Variants in BBS4 observed in about 807,000 individuals in gnomAD.
BBS4 encodes the protein BBSome complex member BBS4.
Under a neutral mutation model 71.4 loss-of-function variants are expected in BBS4, and 58 were observed. That is an observed-to-expected ratio of 0.81 (90% confidence interval 0.66 to 1.01). The LOEUF (loss-of-function observed/expected upper bound fraction) is 1.01. Ranked by LOEUF, BBS4 falls within the 50% of genes least tolerant of loss-of-function variation. The pLI is 0.00. For synonymous variants in BBS4, 228 were observed against 216.8 expected (o/e 1.05, Z -0.46); for missense variants, 660 against 607.9 (o/e 1.09, Z -0.90).
At chr15:72,721,307 A>T (rs2028221) in intron 6 of BBS4, among the ~76,000 whole-genome samples, 10 of 152,178 alleles carry the variant, frequency 6.6e-5, no homozygotes, top group African/African-American at 2.2e-4. Context: ...TTTAGAAATA[A>T]ATACGGAAAC....
chr15:72,687,124 C>CTTTTTTTTTTCTTTTTTTTT (rs1458417621), intron 1 of BBS4, among the ~76,000 whole-genome samples: 1 of 76,210 alleles, frequency 1.3e-5, no homozygotes, highest in Non-Finnish European at 2.3e-5. Context: ...AAGACAGAAA[C>CTTTTTTTTTTCTTTTTTTTT]TTTTTTTTTT....
At chr15:72,721,523 A>C (rs1158455755) in intron 6 of BBS4, among the ~76,000 whole-genome samples, 1 of 152,206 alleles carries the variant, frequency 6.6e-6, no homozygotes, top group East Asian at 1.9e-4. Context: ...AATCTACTCA[A>C]CCTCTCTGAG....
chr15:72,692,563 T>A (rs1273699727), intron 1 of BBS4, among the ~76,000 whole-genome samples: 1 of 151,642 alleles, frequency 6.6e-6, no homozygotes, highest in Non-Finnish European at 1.5e-5. Context: ...TCGGCCTGCC[T>A]CAGCCTACCG....
chr15:72,729,611 C>T lies in BBS4; in HGVS notation c.643-5C>T. Reference sequence around the variant, plus strand: ...GTAAATTGTCTTGTTTGCTTTTTTTCCAAGCTCGGCATTTACCAGAAGGCA... The same window carrying T: ...GTAAATTGTCTTGTTTGCTTTTTTTTCAAGCTCGGCATTTACCAGAAGGCA... On this transcript the variant is annotated splice_region_variant and splice_polypyrimidine_tract_variant and intron_variant, in intron 9 of 15. Transcript: ENST00000268057. The T allele has an allele frequency of 1.2e-6, 2 of 1,613,774 alleles. No individual in the cohort carries two copies. The highest frequency in any genetic ancestry group is 3.3e-5 in the Admixed American group (2 of 60,000).
chr15:72,724,697 A>G (rs1317060682), intron 8 of BBS4, 42 bp downstream of exon 8: 1 of 1,610,642 alleles, frequency 6.2e-7, no homozygotes. Context: ...GAAACTAAAA[A>G]AATTGAGTGG....
chr15:72,700,451 T>G (rs953595956), intron 2 of BBS4, among the ~76,000 whole-genome samples: 36 of 152,188 alleles, frequency 2.4e-4, no homozygotes, highest in African/African-American at 8.4e-4. Flanking sequence ...TTGCCAACAT[T>G]TGTTACTATC....
At chr15:72,713,020 C>CA (rs2065403270) in intron 4 of BBS4, among the ~76,000 whole-genome samples, 1 of 141,412 alleles carries the variant, frequency 7.1e-6, no homozygotes, top group Admixed American at 7.1e-5. Context: ...CTTTTTCTTT[C>CA]TTTTTTTTTT....
At chr15:72,711,427 G>A (rs1384465048) in intron 3 of BBS4, among the ~76,000 whole-genome samples, 2 of 152,192 alleles carry the variant, frequency 1.3e-5, no homozygotes, top group Non-Finnish European at 2.9e-5. Flanking sequence ...GGGATTACAT[G>A]CGTGAGCCAC....
intron 6 of BBS4, among the ~76,000 whole-genome samples, chr15:72,720,882 C>T (rs2065560596): frequency 6.6e-6 from 1 of 152,204 alleles, no homozygotes; most frequent in Non-Finnish European, 1.5e-5. Flanking sequence ...ATTTCTTTTG[C>T]AGTTAGTTTG....
At chr15:72,721,079 C>T (rs990185601) in intron 6 of BBS4, among the ~76,000 whole-genome samples, 2 of 152,118 alleles carry the variant, frequency 1.3e-5, no homozygotes, top group African/African-American at 4.8e-5. Context: ...TATAGCATGA[C>T]AAAGTTGGCA....
intron 1 of BBS4, among the ~76,000 whole-genome samples, chr15:72,688,356 A>G (rs1330948518): frequency 1.3e-5 from 2 of 150,846 alleles, no homozygotes; most frequent in Admixed American, 6.6e-5. Flanking sequence ...CATCTTTTCA[A>G]GTTACCAATG....
chr15:72,688,931 A>G (rs2064930648), intron 1 of BBS4, among the ~76,000 whole-genome samples: 1 of 152,148 alleles, frequency 6.6e-6, no homozygotes, highest in Admixed American at 6.5e-5. Context: ...TGTTACAACT[A>G]ATTGCTTTTC....
intron 1 of BBS4, among the ~76,000 whole-genome samples, chr15:72,689,721 A>AAAAACT (rs2064947291): frequency 1.2e-3 from 1 of 828 alleles, no homozygotes. Flanking sequence ...TTTGTCTGAA[A>AAAAACT]AAAACAAAAA....
Position 72,731,613 on chromosome 15 carries a change from A to G in BBS4, c.923A>G (p.Tyr308Cys), listed in dbSNP as rs199831925. 8 of 1,614,218 alleles carry G rather than the reference A, an allele frequency of 5.0e-6. No individual in the cohort carries two copies. Among genetic ancestry groups the G allele is most frequent in the Admixed American group, 3.3e-5 (2 of 60,022 alleles). The change falls in exon 12 of 16, where the codon TAT (tyrosine) becomes TGT (cysteine). Residue 308 changes from tyrosine to cysteine, a missense_variant. Transcript: ENST00000268057. ...YLAPFDWKIL[Y>C]NLGLVHLTMQ... Reference sequence around the variant, plus strand: ...GCACCCTTTGATTGGAAGATTCTGTATAATTTGGGCCTTGTCCATTTGACC... The same window carrying G: ...GCACCCTTTGATTGGAAGATTCTGTGTAATTTGGGCCTTGTCCATTTGACC...
At chr15:72,712,357 G>C (rs763959481) in intron 4 of BBS4, 50 bp downstream of exon 4, 1 of 1,562,854 alleles carries the variant, frequency 6.4e-7, no homozygotes, top group Admixed American at 1.7e-5. Context: ...ACTTTTCCTA[G>C]GTTCTTGAAA....
chr15:72,704,555 T>A, intron 2 of BBS4: 1 of 783,298 alleles, frequency 1.3e-6, no homozygotes, highest in Non-Finnish European at 1.9e-6. Context: ...CCTTCATCTT[T>A]GATGATAAGT....
At chr15:72,703,578 C>A (rs548217717) in intron 2 of BBS4, among the ~76,000 whole-genome samples, 1 of 151,922 alleles carries the variant, frequency 6.6e-6, no homozygotes. Flanking sequence ...TTTGGATTTT[C>A]GGGTGAAAAT....
At chr15:72,722,971 CT>C in intron 7 of BBS4, 124 bp downstream of exon 7, 1 of 787,314 alleles carries the variant, frequency 1.3e-6, no homozygotes, top group Non-Finnish European at 2.2e-6. Flanking sequence ...TTGAAAGTAC[CT>C]TTATACATTT....
intron 6 of BBS4, among the ~76,000 whole-genome samples, chr15:72,718,980 A>G (rs572940008): frequency 1.3e-5 from 2 of 152,254 alleles, no homozygotes; most frequent in Non-Finnish European, 2.9e-5. Flanking sequence ...TCAGCAACAT[A>G]AAGGTGGTAA....
Sources: allele counts gnomAD v4.1 joint callset (sites outside exome capture counted in the v4.1 genomes callset), GRCh38; gene constraint gnomAD v4.1.1; transcripts MANE v1.5; gene names NCBI Gene and HGNC (gene_info 2026-07-23, HGNC 2026-07-21).